The following IL1RAPL2 variants were observed in gnomAD, a reference collection of about 807,000 sequenced individuals.
IL1RAPL2 encodes the protein interleukin 1 receptor accessory protein like 2.
IL1RAPL2 carries 3 observed loss-of-function variants against 44.1 expected under a neutral mutation model. That is an observed-to-expected ratio of 0.07 (90% CI 0.03 to 0.18). IL1RAPL2 has a LOEUF of 0.18. IL1RAPL2 is among the 10% of genes least tolerant of loss of function. IL1RAPL2 has a pLI of 1.00. For synonymous variants in IL1RAPL2, 181 were observed against 178.8 expected (o/e 1.01, Z -0.10); for missense variants, 391 against 496.4 (o/e 0.79, Z 2.02).
chrX:105,578,589 C>T (rs1402959977), intron 6 of IL1RAPL2, among the ~76,000 whole-genome samples: 1 of 110,988 alleles, frequency 9.0e-6, no homozygotes, highest in Non-Finnish European at 1.9e-5. Context: ...GTTTTTGGAG[C>T]TCAGTGTATG....
intron 6 of IL1RAPL2, among the ~76,000 whole-genome samples, chrX:105,622,785 A>G (rs2037428939): frequency 9.0e-6 from 1 of 111,342 alleles, no homozygotes; most frequent in African/African-American, 3.3e-5. Context: ...CTTGAGTCAT[A>G]TTGGGTAAAT....
At chrX:104,602,329 G>A (rs745466151) in intron 1 of IL1RAPL2, among the ~76,000 whole-genome samples, 1 of 111,637 alleles carries the variant, frequency 9.0e-6, no homozygotes, top group South Asian at 3.8e-4. Flanking sequence ...TTCACAACCC[G>A]CAAACCAGGA....
At chrX:105,590,849 T>TGTGTGTGTGTGTG (rs1569456765) in intron 6 of IL1RAPL2, among the ~76,000 whole-genome samples, 11 of 80,828 alleles carry the variant, frequency 1.4e-4, no homozygotes, top group African/African-American at 5.9e-4. Flanking sequence ...GTGTGTGTGT[T>TGTGTGTGTGTGTG]TGTGTGTGTT....
At position 104,837,674 on chromosome X, in the gene IL1RAPL2, G is replaced by A. The variant is rs746370525; in HGVS notation, c.82+178679G>A. Among the ~76,000 whole-genome samples the A allele has an allele frequency of 1.1e-4, 12 of 111,586 alleles. No homozygotes were observed. The East Asian group carries it at 3.4e-3, about 32-fold the overall frequency. ...TGCAAAAATTTTCTCCCATTCTGTA[G>A]GTTGCTTGTTCACCCTGATGCTAGT... is the stretch of plus-strand genomic sequence containing the variant. On this transcript the variant is annotated intron_variant, in intron 2 of 10. Transcript: ENST00000372582.
intron 6 of IL1RAPL2, among the ~76,000 whole-genome samples, chrX:105,665,344 C>CGCGT (rs1197936624): frequency 0.24 from 23,822 of 98,194 alleles, 2,587 homozygotes; most frequent in Non-Finnish European, 0.31. Context: ...TATGCGCGTG[C>CGCGT]GTGTGTGTGT....
intron 2 of IL1RAPL2, among the ~76,000 whole-genome samples, chrX:104,839,532 A>G (rs775562348): frequency 3.0e-4 from 34 of 111,926 alleles, no homozygotes; most frequent in African/African-American, 9.7e-4. Flanking sequence ...CATCATGGAC[A>G]TTTGCCTGAA....
At chrX:105,719,646 A>C (rs1421921033) in intron 7 of IL1RAPL2, among the ~76,000 whole-genome samples, 1 of 110,874 alleles carries the variant, frequency 9.0e-6, no homozygotes, top group Non-Finnish European at 1.9e-5. Context: ...CCATAGTGAT[A>C]GTTTCACATC....
chrX:104,788,564 G>C (rs1932810303), intron 2 of IL1RAPL2, among the ~76,000 whole-genome samples: 1 of 111,992 alleles, frequency 8.9e-6, no homozygotes, highest in South Asian at 3.7e-4. Context: ...TCTCCTGAAA[G>C]CAGGTTGTGG....
At chrX:105,251,647 G>A (rs946525333) in intron 4 of IL1RAPL2, among the ~76,000 whole-genome samples, 3 of 108,009 alleles carry the variant, frequency 2.8e-5, no homozygotes, top group African/African-American at 1.0e-4. Context: ...ATGGGTATTT[G>A]GCATGTATAA....
At chrX:105,208,510 T>C (rs1464941186) in intron 3 of IL1RAPL2, among the ~76,000 whole-genome samples, 4 of 111,247 alleles carry the variant, frequency 3.6e-5, no homozygotes, top group African/African-American at 1.3e-4. Context: ...TGATCCACCT[T>C]GGTAGGATGG....
intron 6 of IL1RAPL2, among the ~76,000 whole-genome samples, chrX:105,664,851 C>A (rs1727525701): frequency 1.8e-5 from 2 of 111,870 alleles, no homozygotes; most frequent in Non-Finnish European, 3.8e-5. Context: ...ATAGAAAAAA[C>A]CATGAAAACA....
intron 2 of IL1RAPL2, among the ~76,000 whole-genome samples, chrX:105,039,691 G>A (rs1487554939): frequency 1.8e-5 from 2 of 110,588 alleles, no homozygotes; most frequent in African/African-American, 3.3e-5. Flanking sequence ...ATCTGTTATC[G>A]GTGTATAAGA....
Position 105,129,452 on chromosome X carries a change from G to T in IL1RAPL2, c.83-66023G>T, listed in dbSNP as rs1218935607. ...AGTTCCAACATGTAAATTTTGAAGG[G>T]ACATATACATTCAAACCATAGCATA... is the stretch of plus-strand genomic sequence containing the variant. On this transcript the variant is annotated intron_variant, in intron 2 of 10. Transcript: ENST00000372582. Among the ~76,000 whole-genome samples the T allele has an allele frequency of 2.7e-5, 3 of 110,504 alleles. No homozygotes were observed. In the East Asian group the frequency reaches 8.6e-4, roughly 32 times the overall value.
At chrX:104,871,121 AT>A (rs1425669294) in intron 2 of IL1RAPL2, among the ~76,000 whole-genome samples, 1 of 111,635 alleles carries the variant, frequency 9.0e-6, no homozygotes, top group Non-Finnish European at 1.9e-5. Flanking sequence ...AATAAATATG[AT>A]TTTTTAAAGT....
chrX:105,651,527 C>G (rs757450432), intron 6 of IL1RAPL2, among the ~76,000 whole-genome samples: 6 of 111,961 alleles, frequency 5.4e-5, no homozygotes, highest in Non-Finnish European at 9.4e-5. Context: ...CAAGATTCTT[C>G]TTAGTTCTAT....
chrX:104,781,764 A>G (rs1474513840), intron 2 of IL1RAPL2, among the ~76,000 whole-genome samples: 1 of 112,407 alleles, frequency 8.9e-6, no homozygotes, highest in Non-Finnish European at 1.9e-5. Context: ...GCTGCAAGAA[A>G]AGCTGGCAAA....
chrX:104,718,210 C>T (rs1039883134), intron 2 of IL1RAPL2, among the ~76,000 whole-genome samples: 1 of 110,990 alleles, frequency 9.0e-6, no homozygotes, highest in Non-Finnish European at 1.9e-5. Context: ...AACTAGTTTA[C>T]AGTCCCACCA....
At chrX:105,082,111 T>G (rs2032416898) in intron 2 of IL1RAPL2, among the ~76,000 whole-genome samples, 1 of 111,394 alleles carries the variant, frequency 9.0e-6, no homozygotes, top group South Asian at 3.8e-4. Context: ...GTCCTGGACT[T>G]TTTTTGGTCA....
chrX:105,221,379 C>T (rs1427196014), intron 3 of IL1RAPL2, among the ~76,000 whole-genome samples: 2 of 102,753 alleles, frequency 1.9e-5, no homozygotes, highest in East Asian at 3.0e-4. Flanking sequence ...CGTTAGACAA[C>T]GTTAACAGTT....
Sources: gnomAD v4.1 joint callset for allele counts (sites outside exome capture counted in the v4.1 genomes callset) on GRCh38, gnomAD v4.1.1 for gene constraint, MANE v1.5 for transcripts, NCBI Gene and HGNC (gene_info 2026-07-23, HGNC 2026-07-21) for gene names.